The following ABCC5 variants were observed in gnomAD, a reference collection of about 807,000 sequenced individuals.
ABCC5 encodes the protein ATP binding cassette subfamily C member 5, also known as ATP-binding cassette sub-family C member 5.
Under a neutral mutation model 160.9 loss-of-function variants are expected in ABCC5, and 61 were observed. The observed-to-expected ratio is 0.38, with a 90% CI of 0.31 to 0.47. The LOEUF (loss-of-function observed/expected upper bound fraction) is 0.47. Among genes scored for constraint, ABCC5 ranks in the 20% least tolerant of loss-of-function variants. The pLI, the probability that ABCC5 is intolerant of heterozygous loss-of-function variation, is 0.99. For missense variants in ABCC5, 1,308 were observed against 1,813.3 expected (o/e 0.72, Z 5.06); for synonymous variants, 666 against 700.6 (o/e 0.95, Z 0.78).
intron 28 of ABCC5, 147 bp downstream of exon 28, chr3:183,927,183 G>A: frequency 1.3e-6 from 1 of 756,698 alleles, no homozygotes; most frequent in South Asian, 2.0e-5. Context: ...CCCAAATTGT[G>A]TCAGGGTTAG....
At chr3:183,928,623 G>T in intron 27 of ABCC5, 124 bp downstream of exon 27, 3 of 796,284 alleles carry the variant, frequency 3.8e-6, no homozygotes, top group Non-Finnish European at 6.2e-6. Flanking sequence ...GGAGAGCCCT[G>T]CCACGAAGCC....
chr3:183,949,992 T>A lies in ABCC5; in HGVS notation c.3078A>T (p.Ser1026=). The A allele has an allele frequency of 6.2e-7, 1 of 1,614,070 alleles. No homozygotes were observed. The highest frequency in any genetic ancestry group is 1.3e-5 in the African/African-American group (1 of 74,990). Residue 1026 remains serine (S), a synonymous_variant, in exon 21 of 30, where the codon TCA becomes TCT. Transcript: ENST00000334444. This position sits in a 1 kb window ranked among gnomAD's most constrained non-coding sequence, Gnocchi z 4.2. ...TTTACCTGGAGACAATGTGCAGGACTGAAAAGAGGATGACAAGGGGCCCCA... is the reference window on the plus strand; with the variant it reads ...TTTACCTGGAGACAATGTGCAGGACAGAAAAGAGGATGACAAGGGGCCCCA... ...VAVGPLVILF[S]VLHIVSRVLI...
At position 183,982,338 on chromosome 3, in the gene ABCC5, G is replaced by A. The variant is rs1311017346; in HGVS notation, c.999+113C>T. ...TCGAGCTCTAGATTGAACCTGCTTT[G>A]AGGAAATTTCCAATCAGAGCTGTGA... On this transcript the variant is annotated intron_variant, in intron 7 of 29. Transcript: ENST00000334444. This position sits in a 1 kb window ranked among gnomAD's most constrained non-coding sequence, Gnocchi z 5.2. The A allele has an allele frequency of 2.3e-5, 29 of 1,247,678 alleles. No individual in the cohort carries two copies. The highest frequency in any genetic ancestry group is 3.0e-5 in the Non-Finnish European group (27 of 908,730). 77.3% of individuals were successfully genotyped at this position (1,247,678 alleles called of 1,614,324 possible). A position where few individuals can be genotyped will look rare whatever the true frequency, so the allele number is the denominator to read the frequency against.
intron 10 of ABCC5, among the ~76,000 whole-genome samples, chr3:183,972,332 T>A (rs1717831099): frequency 6.6e-6 from 1 of 152,070 alleles, no homozygotes; most frequent in Non-Finnish European, 1.5e-5. Flanking sequence ...TCCAGACCCC[T>A]CCTGCAGAAT....
At chr3:183,965,133 GCCC>G in intron 14 of ABCC5, 49 bp downstream of exon 14, 1 of 1,587,684 alleles carries the variant, frequency 6.3e-7, no homozygotes. Flanking sequence ...AGCAGCTCTG[GCCC>G]AGCTCTGCCA....
At chr3:184,007,272 G>C (rs986967018) in intron 2 of ABCC5, among the ~76,000 whole-genome samples, 7 of 151,128 alleles carry the variant, frequency 4.6e-5, no homozygotes, top group Admixed American at 4.6e-4. Flanking sequence ...TGCCCGCCTC[G>C]GCCTCCCAAA....
intron 2 of ABCC5, among the ~76,000 whole-genome samples, chr3:184,002,715 G>A (rs893888311): frequency 2.0e-5 from 3 of 152,212 alleles, no homozygotes; most frequent in African/African-American, 4.8e-5. Context: ...CTTTTCCCCT[G>A]CACGGAGGCC....
intron 25 of ABCC5, 187 bp downstream of exon 25, chr3:183,942,540 T>G: frequency 1.3e-6 from 1 of 752,054 alleles, no homozygotes; most frequent in Non-Finnish European, 2.3e-6. Flanking sequence ...TGCACATTTA[T>G]GACTGTGAAA....
At chr3:184,010,266 CAAAAA>C (rs10541470) in intron 2 of ABCC5, among the ~76,000 whole-genome samples, 1 of 74,476 alleles carries the variant, frequency 1.3e-5, no homozygotes, top group Non-Finnish European at 2.5e-5. Flanking sequence ...GACTTCGTCT[CAAAAA>C]AAAAAAAAAA....
At position 183,949,310 on chromosome 3, in the gene ABCC5, A is replaced by G. The variant is rs1307133607; in HGVS notation, c.3227+443T>C. Among the ~76,000 whole-genome samples, 2 of 152,260 alleles carry G rather than the reference A, an allele frequency of 1.3e-5. No individual in the cohort carries two copies. The highest frequency in any genetic ancestry group is 2.9e-5 in the Non-Finnish European group (2 of 68,038). On this transcript the variant is annotated intron_variant, in intron 22 of 29. Transcript: ENST00000334444. The surrounding 1 kb of genome is among the most constrained non-coding windows in gnomAD (Gnocchi z 4.2). Reference sequence around the variant, plus strand: ...TCGATGCTTAAATAAAATCTACTCAAATGTCATGACTACCTTTTACTACTT... The same window carrying G: ...TCGATGCTTAAATAAAATCTACTCAGATGTCATGACTACCTTTTACTACTT...
At chr3:184,011,738 T>C (rs1361560261) in intron 2 of ABCC5, among the ~76,000 whole-genome samples, 1 of 152,152 alleles carries the variant, frequency 6.6e-6, no homozygotes, top group African/African-American at 2.4e-5. Context: ...GAACTATTGA[T>C]GCACACAACA....
rs34025610 is a variant in ABCC5, at chr3:183,940,848, GTTATTA to G, written c.3694+1873_3694+1878del. ...CTATTAGAACCGGAGTGTAAATCAG[GTTATTA>G]TTATTATTATTATTATTATTTGAGA... On this transcript the variant is annotated intron_variant, in intron 25 of 29. Coordinates refer to ENST00000334444, the MANE Select transcript of ABCC5 (RefSeq NM_005688.4). Among the ~76,000 whole-genome samples the G allele has an allele frequency of 9.9e-5, 15 of 151,066 alleles. No individual in the cohort carries two copies. The Middle Eastern group carries it at 0.014, about 139-fold the overall frequency.
At chr3:183,957,727 C>CACATCGGTTACATGCGGATCCGTGTGTAT (rs1716265861) in intron 17 of ABCC5, among the ~76,000 whole-genome samples, 1 of 81,600 alleles carries the variant, frequency 1.2e-5, no homozygotes, top group African/African-American at 4.8e-5. Flanking sequence ...TCCGTGTGTA[C>CACATCGGTTACATGCGGATCCGTGTGTAT]ATCACATCGG....
chr3:183,928,112 CTTT>C (rs10715407), intron 27 of ABCC5, among the ~76,000 whole-genome samples: 9 of 138,466 alleles, frequency 6.5e-5, no homozygotes, highest in Admixed American at 1.5e-4. Context: ...TGTTATGTAT[CTTT>C]TTTTTTTTTT....
intron 29 of ABCC5, among the ~76,000 whole-genome samples, chr3:183,922,376 A>T (rs1416684167): frequency 6.6e-6 from 1 of 152,234 alleles, no homozygotes; most frequent in Non-Finnish European, 1.5e-5. Flanking sequence ...TCCGTCTCAA[A>T]AAAATAAATA....
rs901093287 is a variant in ABCC5 at position 183,971,478 on chromosome 3, G to A, written c.1761+85C>T. On this transcript the variant is annotated intron_variant, in intron 11 of 29. Coordinates refer to ENST00000334444, the MANE Select transcript of ABCC5 (RefSeq NM_005688.4). ...CACTCCTAGCCACAAAGCACTTTGT[G>A]AAAAGGAACAGCAGCCGCCTATTGG... is the stretch of plus-strand genomic sequence containing the variant. 4 of 1,320,716 alleles carry A rather than the reference G, an allele frequency of 3.0e-6. No individual in the cohort carries two copies. The African/African-American group carries it at 4.4e-5, about 15-fold the overall frequency. 81.8% of individuals were successfully genotyped at this position (1,320,716 alleles called of 1,614,324 possible). A position where few individuals can be genotyped will look rare whatever the true frequency, so the allele number is the denominator to read the frequency against.
chr3:183,996,352 T>C (rs763651471), intron 2 of ABCC5, among the ~76,000 whole-genome samples: 1 of 152,246 alleles, frequency 6.6e-6, no homozygotes, highest in Non-Finnish European at 1.5e-5. Flanking sequence ...GATTTCATTT[T>C]CTTCATTTCT....
intron 26 of ABCC5, among the ~76,000 whole-genome samples, chr3:183,937,097 C>A (rs1350110620): frequency 2.6e-5 from 4 of 152,176 alleles, no homozygotes; most frequent in Non-Finnish European, 5.9e-5. Flanking sequence ...GAACTTTTGG[C>A]CAGGTGCAGT....
chr3:183,981,667 T>C, intron 8 of ABCC5, 60 bp downstream of exon 8: 2 of 1,575,994 alleles, frequency 1.3e-6, no homozygotes, highest in Non-Finnish European at 1.7e-6. Context: ...GTGTGAATTA[T>C]AAGACCCAAA....
Sources: gnomAD v4.1 joint callset for allele counts (sites outside exome capture counted in the v4.1 genomes callset) on GRCh38, gnomAD v4.1.1 for gene constraint, Gnocchi (gnomAD v3.1) non-coding constraint, MANE v1.5 for transcripts, NCBI Gene and HGNC (gene_info 2026-07-23, HGNC 2026-07-21) for gene names.